The following CLVS2 variants were observed in gnomAD, a reference collection of about 807,000 sequenced individuals.
The protein encoded by CLVS2 is clavesin-2.
Under a neutral mutation model 29.0 loss-of-function variants are expected in CLVS2, and 19 were observed. The observed-to-expected ratio is 0.66, with a 90% CI of 0.46 to 0.96. CLVS2 has a LOEUF of 0.96. Among genes scored for constraint, CLVS2 ranks in the 40% least tolerant of loss-of-function variants. The probability of loss-of-function intolerance (pLI) is 0.00; values close to 1 mark genes in which losing one functional copy is unlikely to be tolerated. For synonymous variants in CLVS2, 161 were observed against 151.3 expected (o/e 1.06, Z -0.47); for missense variants, 294 against 404.1 (o/e 0.73, Z 2.34).
chr6:123,056,015 G>A lies in CLVS2; in HGVS notation c.885G>A (p.Lys295=), dbSNP rs1354141119. ...AAGTAGAGAAGGAACTCTCCCCAAA[G>A]TCCATGAAGAGGTATGCTGGAGGTA... ...VKEVEKELSP[K]SMKRSQSVVD... is the part of the protein sequence containing the mutation. The change falls in exon 5 of 6, where the codon AAG becomes AAA. Residue 295 remains lysine (K), a synonymous_variant. Coordinates refer to ENST00000275162, the MANE Select transcript of CLVS2 (RefSeq NM_001010852.4). The A allele has an allele frequency of 3.1e-6, 5 of 1,612,132 alleles. No homozygotes were observed. Among genetic ancestry groups the A allele is most frequent in the South Asian group, 2.2e-5 (2 of 90,874 alleles).
chr6:123,065,204 T>C lies in CLVS2; in HGVS notation c.*1443T>C, dbSNP rs747182447. ...TTTATACAATTACAGCAAATCTTAA[T>C]TTTTTAATTTTAAATTTCAATGTGA... On this transcript the variant is annotated 3_prime_UTR_variant, in exon 6 of 6. Coordinates refer to ENST00000275162, the MANE Select transcript of CLVS2 (RefSeq NM_001010852.4). 3 of 151,880 alleles carry C rather than the reference T, an allele frequency of 2.0e-5. No individual in the cohort carries two copies. The highest frequency in any genetic ancestry group is 4.4e-5 in the Non-Finnish European group (3 of 67,836). The allele number at this position is 151,880 out of a possible 1,614,324, so 9.4% of individuals were successfully genotyped here.
chr6:123,053,033 G>A (rs1210640398), intron 4 of CLVS2, among the ~76,000 whole-genome samples: 1 of 150,802 alleles, frequency 6.6e-6, no homozygotes, highest in Non-Finnish European at 1.5e-5. Context: ...ACTGAGACCA[G>A]TAGTTCTCCA....
chr6:123,014,123 C>T (rs9372730), intron 3 of CLVS2, among the ~76,000 whole-genome samples: 46,384 of 151,980 alleles, frequency 0.31, 8,361 homozygotes, highest in South Asian at 0.47. Context: ...TATAAACATA[C>T]GTGTGCATGT....
At chr6:123,061,760 A>G (rs974234345) in intron 5 of CLVS2, among the ~76,000 whole-genome samples, 1 of 152,232 alleles carries the variant, frequency 6.6e-6, no homozygotes, top group African/African-American at 2.4e-5. Flanking sequence ...GCATGTCTGT[A>G]TAATGTGTAA....
intron 3 of CLVS2, among the ~76,000 whole-genome samples, chr6:123,030,547 T>C (rs1775068514): frequency 2.0e-5 from 3 of 152,152 alleles, no homozygotes; most frequent in African/African-American, 7.2e-5. Flanking sequence ...AGTAATATTT[T>C]CTCCAGTTCT....
chr6:123,057,645 G>T (rs959644219), intron 5 of CLVS2, among the ~76,000 whole-genome samples: 4 of 152,016 alleles, frequency 2.6e-5, no homozygotes, highest in Non-Finnish European at 5.9e-5. Context: ...GCCTGGCCAG[G>T]ATGGTCTCTT....
chr6:123,044,845 C>T (rs1772457001), intron 3 of CLVS2, among the ~76,000 whole-genome samples: 3 of 152,172 alleles, frequency 2.0e-5, no homozygotes, highest in African/African-American at 7.2e-5. Context: ...TTTTGTGTGA[C>T]TCAGTTTCCA....
rs1774523267 is a variant in CLVS2 at position 122,997,319 on chromosome 6, C to T, written c.-459C>T. ...GGCAGGCGTATCCTTCAGCAGGGACCGCAGGAACATTCACAGTGCAGGGGC... is the reference window on the plus strand; with the variant it reads ...GGCAGGCGTATCCTTCAGCAGGGACTGCAGGAACATTCACAGTGCAGGGGC... On this transcript the variant is annotated 5_prime_UTR_variant, in exon 2 of 6. Coordinates refer to ENST00000275162, the MANE Select transcript of CLVS2 (RefSeq NM_001010852.4). 1.2e-5 allele frequency: 2 copies of T among 173,298 alleles called. No individual in the cohort carries two copies. Among genetic ancestry groups the T allele is most frequent in the African/African-American group, 2.4e-5 (1 of 41,452 alleles). 10.7% of individuals were successfully genotyped at this position (173,298 alleles called of 1,614,324 possible). A position where few individuals can be genotyped will look rare whatever the true frequency, so the allele number is the denominator to read the frequency against.
intron 2 of CLVS2, among the ~76,000 whole-genome samples, chr6:123,005,652 T>C (rs1006365843): frequency 4.6e-5 from 7 of 152,096 alleles, no homozygotes; most frequent in Non-Finnish European, 8.8e-5. Context: ...CAAAGAAGCA[T>C]GGGTCAGGTA....
At chr6:123,000,934 T>TCC in intron 2 of CLVS2, among the ~76,000 whole-genome samples, 2 of 152,328 alleles carry the variant, frequency 1.3e-5, no homozygotes, top group Middle Eastern at 6.8e-3. Flanking sequence ...GGAAAACAGG[T>TCC]TATTTATAAT....
chr6:123,008,215 A>T (rs1187921937), intron 2 of CLVS2, among the ~76,000 whole-genome samples: 1 of 152,060 alleles, frequency 6.6e-6, no homozygotes, highest in African/African-American at 2.4e-5. Flanking sequence ...AATTAATGTA[A>T]TTTTTATAAA....
At chr6:123,007,586 G>T (rs998039196) in intron 2 of CLVS2, among the ~76,000 whole-genome samples, 3 of 152,046 alleles carry the variant, frequency 2.0e-5, no homozygotes, top group Admixed American at 1.3e-4. Flanking sequence ...AGTTGCTATG[G>T]GTATTAAAGT....
At chr6:123,042,824 C>T (rs570573714) in intron 3 of CLVS2, among the ~76,000 whole-genome samples, 1 of 152,210 alleles carries the variant, frequency 6.6e-6, no homozygotes, top group East Asian at 1.9e-4. Context: ...GGAATCAGAA[C>T]CTTCTAGAAG....
chr6:123,001,717 G>C (rs1034181090), intron 2 of CLVS2, among the ~76,000 whole-genome samples: 1 of 152,138 alleles, frequency 6.6e-6, no homozygotes, highest in Non-Finnish European at 1.5e-5. Context: ...CAAATGGTTC[G>C]CAGGATCTTA....
intron 4 of CLVS2, among the ~76,000 whole-genome samples, chr6:123,052,036 T>C (rs1413138347): frequency 6.6e-6 from 1 of 152,174 alleles, no homozygotes; most frequent in Non-Finnish European, 1.5e-5. Flanking sequence ...ATAATATATA[T>C]TTTTTCAACA....
In CLVS2 at chr6:123,031,957, G is replaced by C. The variant is rs143485215; in HGVS notation, c.565-16665G>C. Among the ~76,000 whole-genome samples, 331 of 152,168 alleles carry C rather than the reference G, an allele frequency of 2.2e-3. 4 individuals are homozygous for C. The highest frequency in any genetic ancestry group is 7.5e-3 in the African/African-American group (312 of 41,544). On this transcript the variant is annotated intron_variant, in intron 3 of 5. Transcript: ENST00000275162. ...GCCAGAACCCCCTTTTCACTATTTAGTGCCAATATCTTATAGTTAACTTTT... is the reference window on the plus strand; with the variant it reads ...GCCAGAACCCCCTTTTCACTATTTACTGCCAATATCTTATAGTTAACTTTT...
At chr6:123,063,472 G>A (rs1274511132) in intron 5 of CLVS2, among the ~76,000 whole-genome samples, 3 of 152,064 alleles carry the variant, frequency 2.0e-5, no homozygotes, top group African/African-American at 7.2e-5. Context: ...AGAGGCCAGA[G>A]GGGATTTTTT....
intron 2 of CLVS2, among the ~76,000 whole-genome samples, chr6:123,005,969 C>A (rs1240184747): frequency 1.3e-5 from 2 of 152,192 alleles, no homozygotes; most frequent in African/African-American, 4.8e-5. Flanking sequence ...ATTGTGCACC[C>A]ACAGTGTGCA....
At position 123,063,743 on chromosome 6, in the gene CLVS2, A is replaced by T. The variant is rs1463737532; in HGVS notation, c.966A>T (p.Pro322=). ...AAAATGAGGAAGAAAACATGCAACC[A>T]TTGCTTTCTCTGGACTAATAACTTC... ...MDKNEEENMQ[P]LLSLD is the part of the protein sequence containing the mutation. The change falls in exon 6 of 6, where the codon CCA becomes CCT. Residue 322 remains proline (P), a synonymous_variant. Transcript: ENST00000275162. 8.7e-6 allele frequency: 14 copies of T among 1,608,294 alleles called. No individual in the cohort carries two copies. The Admixed American group carries it at 2.3e-4, about 27-fold the overall frequency.
Sources: allele counts gnomAD v4.1 joint callset (sites outside exome capture counted in the v4.1 genomes callset), GRCh38; gene constraint gnomAD v4.1.1; transcripts MANE v1.5; gene names NCBI Gene and HGNC (gene_info 2026-07-23, HGNC 2026-07-21).